STRADB: variants seen among roughly 807,000 people sequenced by gnomAD.
The protein encoded by STRADB is STE20-related kinase adapter protein beta.
STRADB carries 34 observed loss-of-function variants against 52.1 expected under a neutral mutation model. That is an observed-to-expected ratio of 0.65 (90% CI 0.50 to 0.87). The LOEUF is 0.87. Ranked by LOEUF, STRADB falls within the 40% of genes least tolerant of loss-of-function variation. The pLI is 0.00. For synonymous variants in STRADB, 133 were observed against 174.5 expected, an observed-to-expected ratio of 0.76 and a Z score of 1.87; for missense variants, 340 against 483.9, an observed-to-expected ratio of 0.70 and a Z score of 2.79.
Position 201,475,619 on chromosome 2 carries a change from G to C in STRADB, c.425G>C (p.Gly142Ala). 5.0e-6 allele frequency: 8 copies of C among 1,611,768 alleles called. No homozygotes were observed. Among genetic ancestry groups the C allele is most frequent in the Non-Finnish European group, 5.9e-6 (7 of 1,179,778 alleles). The change falls in exon 7 of 12, where the codon GGT (glycine) becomes GCT (alanine). Residue 142 changes from glycine (G) to alanine (A), a missense_variant and splice_region_variant. By Grantham distance (60) the Gly-to-Ala change is moderately conservative. Coordinates refer to ENST00000194530, the MANE Select transcript of STRADB (RefSeq NM_018571.6). ...TAAGGATTTTAGGGGTTTCTTTCAG[G>C]TTCAGCAAGTCAACTCTTGAGGACC... ...LWVISPFMAYGSASQLLRTYF... is the reference protein window; with the variant it reads ...LWVISPFMAYASASQLLRTYF...
chr2:201,460,904 T>C lies in STRADB; in HGVS notation c.93+2040T>C, dbSNP rs137856759. The C allele has an allele frequency of 9.2e-3, 1,209 of 131,946 alleles. 21 individuals carry two copies. Among genetic ancestry groups the C allele is most frequent in the African/African-American group, 0.03 (1,124 of 37,580 alleles). 8.2% of individuals were successfully genotyped at this position (131,946 alleles called of 1,614,324 possible). On this transcript the variant is annotated intron_variant, in intron 3 of 11. Transcript: ENST00000194530. Reference sequence around the variant, plus strand: ...CTATCAGTGGGATCGCTGGATCATATGGTAGTTTTTTTTTTTTTTTTTAGT... The same window carrying C: ...CTATCAGTGGGATCGCTGGATCATACGGTAGTTTTTTTTTTTTTTTTTAGT...
At chr2:201,463,653 G>A (rs184628866) in intron 3 of STRADB, among the ~76,000 whole-genome samples, 2 of 152,210 alleles carry the variant, frequency 1.3e-5, no homozygotes, top group African/African-American at 4.8e-5. Context: ...AAAGTTCTGT[G>A]TTATTATCCC....
chr2:201,454,015 A>T (rs900593281), intron 1 of STRADB, among the ~76,000 whole-genome samples: 2 of 152,156 alleles, frequency 1.3e-5, no homozygotes, highest in Non-Finnish European at 2.9e-5. Flanking sequence ...CATCCTGCTC[A>T]CATATTTGTA....
intron 3 of STRADB, chr2:201,460,691 T>C (rs974455296): frequency 3.0e-5 from 6 of 199,412 alleles, no homozygotes; most frequent in African/African-American, 1.2e-4. Context: ...CAAATGGTAG[T>C]ATCTCATTCT....
chr2:201,473,870 T>C (rs13430447), intron 5 of STRADB, among the ~76,000 whole-genome samples: 1,872 of 152,130 alleles, frequency 0.012, 56 homozygotes, highest in African/African-American at 0.043. Flanking sequence ...AGGATTTTAT[T>C]TGGATATTGT....
chr2:201,480,539 C>T lies in STRADB; in HGVS notation c.*364C>T. 3 of 1,012,788 alleles carry T rather than the reference C, an allele frequency of 3.0e-6. No individual in the cohort carries two copies. Among genetic ancestry groups the T allele is most frequent in the Non-Finnish European group, 3.5e-6 (3 of 846,400 alleles). 62.7% of individuals were successfully genotyped at this position (1,012,788 alleles called of 1,614,324 possible). On this transcript the variant is annotated 3_prime_UTR_variant, in exon 12 of 12. Coordinates refer to ENST00000194530, the MANE Select transcript of STRADB (RefSeq NM_018571.6). ...CCTCAGAGGACAGTGCTTCCAAGTA[C>T]ATCTTCTCCCAGATTCTCTGGCCTT...
At chr2:201,468,030 C>T (rs1315485969) in intron 3 of STRADB, among the ~76,000 whole-genome samples, 1 of 136,496 alleles carries the variant, frequency 7.3e-6, no homozygotes, top group African/African-American at 2.8e-5. Context: ...TTTTACTGAT[C>T]TGGGCCCAGT....
intron 6 of STRADB, 40 bp downstream of exon 6, chr2:201,474,795 T>C: frequency 5.5e-6 from 8 of 1,454,436 alleles, no homozygotes; most frequent in Non-Finnish European, 7.6e-6. Context: ...TTAGCCTAGA[T>C]GTTATAATTA....
At chr2:201,479,129 T>G (rs911795051) in intron 10 of STRADB, 7 of 191,506 alleles carry the variant, frequency 3.7e-5, no homozygotes, top group Non-Finnish European at 7.4e-5. Flanking sequence ...TATCATTTTC[T>G]AACTGATTTT....
At position 201,480,694 on chromosome 2, in the gene STRADB, C is replaced by A; in HGVS notation, c.*519C>A. ...TATGGTAACACCTAACTGAGCCTCA[C>A]TCACATTAAATGATTCACTTGAAAT... On this transcript the variant is annotated 3_prime_UTR_variant, in exon 12 of 12. Transcript: ENST00000194530. 1.0e-6 allele frequency: 1 copy of A among 985,968 alleles called. No homozygotes were observed. The highest frequency in any genetic ancestry group is 1.2e-6 in the Non-Finnish European group (1 of 830,014). The allele number at this position is 985,968 out of a possible 1,614,324, so 61.1% of individuals were successfully genotyped here. A position where few individuals can be genotyped will look rare whatever the true frequency, so the allele number is the denominator to read the frequency against.
At chr2:201,478,048 A>G (rs781405430) in intron 8 of STRADB, 39 bp from the exon 9 acceptor site, 2 of 1,536,300 alleles carry the variant, frequency 1.3e-6, no homozygotes, top group Non-Finnish European at 1.8e-6. Flanking sequence ...TGGTTAACTT[A>G]TTTGCACTAA....
chr2:201,474,630 T>C lies in STRADB; in HGVS notation c.316-17T>C. The C allele has an allele frequency of 1.3e-6, 2 of 1,599,104 alleles. No homozygotes were observed. The highest frequency in any genetic ancestry group is 1.7e-6 in the Non-Finnish European group (2 of 1,172,060). ...CAGTTGTTTTTAAATGTCTTGTCTC[T>C]TGTGTGTTTATCCTAGAAAGCCGTG... On this transcript the variant is annotated splice_polypyrimidine_tract_variant and intron_variant, in intron 5 of 11. Transcript: ENST00000194530.
chr2:201,452,766 G>A (rs1429648878), intron 1 of STRADB, among the ~76,000 whole-genome samples: 1 of 152,210 alleles, frequency 6.6e-6, no homozygotes, highest in Non-Finnish European at 1.5e-5. Context: ...CAAAACCCGT[G>A]TTCTAGAAGA....
chr2:201,461,775 G>C (rs982017566), intron 3 of STRADB, among the ~76,000 whole-genome samples: 1 of 152,110 alleles, frequency 6.6e-6, no homozygotes, highest in Non-Finnish European at 1.5e-5. Context: ...TTCCTGGACA[G>C]CTTCCTCCAT....
At position 201,479,109 on chromosome 2, in the gene STRADB, G is replaced by C. The variant is rs549991784; in HGVS notation, c.1071-380G>C. 1.0e-4 allele frequency: 19 copies of C among 185,660 alleles called. No homozygotes were observed. In the South Asian group the frequency reaches 2.1e-3, roughly 20 times the overall value. 11.5% of individuals were successfully genotyped at this position (185,660 alleles called of 1,614,324 possible). A position where few individuals can be genotyped will look rare whatever the true frequency, so the allele number is the denominator to read the frequency against. On this transcript the variant is annotated intron_variant, in intron 10 of 11. Coordinates refer to ENST00000194530, the MANE Select transcript of STRADB (RefSeq NM_018571.6). ...AAAAAATCAGAAGAGTTGGGCTCCA[G>C]TCTCAGCTGTATCATTTTCTAACTG... is the stretch of plus-strand genomic sequence containing the variant.
At position 201,454,363 on chromosome 2, in the gene STRADB, C is replaced by T. The variant is rs528414816; in HGVS notation, c.-95-383C>T. 1.2e-3 allele frequency among the ~76,000 whole-genome samples: 176 copies of T among 152,284 alleles called. 1 individual carries two copies. Among genetic ancestry groups the T allele is most frequent in the Non-Finnish European group, 2.1e-3 (141 of 68,030 alleles). Reference sequence around the variant, plus strand: ...TTCTTGGGGTTTATTGTAAGTGACACTGTTTATATCAAAAGTGGGCCAAAA... The same window carrying T: ...TTCTTGGGGTTTATTGTAAGTGACATTGTTTATATCAAAAGTGGGCCAAAA... On this transcript the variant is annotated intron_variant, in intron 1 of 11. Transcript: ENST00000194530.
chr2:201,474,555 AC>A, intron 5 of STRADB, 91 bp from the exon 6 acceptor site: 2 of 980,842 alleles, frequency 2.0e-6, no homozygotes, highest in Non-Finnish European at 3.1e-6. Flanking sequence ...ACTAATAAGC[AC>A]CCTTGAGTAT....
At chr2:201,458,211 A>G (rs901447479) in intron 2 of STRADB, among the ~76,000 whole-genome samples, 1 of 152,234 alleles carries the variant, frequency 6.6e-6, no homozygotes, top group African/African-American at 2.4e-5. Context: ...GCAATAAATA[A>G]TAATAGAACC....
intron 3 of STRADB, 109 bp downstream of exon 3, chr2:201,458,973 G>A: frequency 9.6e-6 from 8 of 835,750 alleles, no homozygotes; most frequent in Non-Finnish European, 1.5e-5. Context: ...ACCAGCCTGG[G>A]CAACATAGTG....
Sources: allele counts gnomAD v4.1 joint callset (sites outside exome capture counted in the v4.1 genomes callset), GRCh38; gene constraint gnomAD v4.1.1; transcripts MANE v1.5; gene names NCBI Gene and HGNC (gene_info 2026-07-23, HGNC 2026-07-21).